The following SORCS1 variants were observed in gnomAD, a reference collection of about 807,000 sequenced individuals.
The protein encoded by SORCS1 is VPS10 domain-containing receptor SorCS1.
In SORCS1, 60 loss-of-function variants were observed where a neutral mutation model predicts 146.1. The observed-to-expected ratio is 0.41, with a 90% CI of 0.33 to 0.51. The LOEUF (loss-of-function observed/expected upper bound fraction) is 0.51, where lower values mean the gene tolerates loss of function less well. Ranked by LOEUF, SORCS1 falls within the 20% of genes least tolerant of loss-of-function variation. SORCS1 has a pLI of 0.21. For missense variants in SORCS1, 1,352 were observed against 1,487.6 expected, an observed-to-expected ratio of 0.91 and a Z score of 1.50; for synonymous variants, 637 against 584.0, an observed-to-expected ratio of 1.09 and a Z score of -1.31.
intron 2 of SORCS1, among the ~76,000 whole-genome samples, chr10:106,868,584 T>C (rs998050161): frequency 1.3e-5 from 2 of 152,190 alleles, no homozygotes; most frequent in Non-Finnish European, 2.9e-5. Context: ...AACATGCTCC[T>C]GAATCACTTT....
At chr10:106,691,591 G>C (rs1853301810) in intron 9 of SORCS1, among the ~76,000 whole-genome samples, 1 of 152,070 alleles carries the variant, frequency 6.6e-6, no homozygotes, top group South Asian at 2.1e-4. Context: ...TGTTGCCAAC[G>C]TGATGGTCTC....
intron 3 of SORCS1, among the ~76,000 whole-genome samples, chr10:106,784,843 C>T (rs822008): frequency 0.98 from 149,876 of 152,334 alleles, 73,739 homozygotes; most frequent in East Asian, 1. Context: ...ATCAGTCTAT[C>T]TTAACATTGA....
intron 18 of SORCS1, among the ~76,000 whole-genome samples, chr10:106,651,352 T>G (rs1034194550): frequency 7.2e-5 from 11 of 152,190 alleles, no homozygotes; most frequent in African/African-American, 2.7e-4. Context: ...CACTGTTTTG[T>G]TTTTCTTGAA....
intron 1 of SORCS1, among the ~76,000 whole-genome samples, chr10:106,961,289 T>C (rs1955211120): frequency 6.6e-6 from 1 of 152,226 alleles, no homozygotes; most frequent in Non-Finnish European, 1.5e-5. Context: ...TGTAACACCT[T>C]TGACTATGAC....
chr10:107,079,731 T>C (rs527452016), intron 1 of SORCS1, among the ~76,000 whole-genome samples: 1 of 152,242 alleles, frequency 6.6e-6, no homozygotes, highest in Admixed American at 6.5e-5. Context: ...TCAATCTGAC[T>C]AGAACCCTAG....
At position 106,913,127 on chromosome 10, in the gene SORCS1, A is replaced by G. The variant is rs189563460; in HGVS notation, c.626+43386T>C. On this transcript the variant is annotated intron_variant, in intron 2 of 25. Transcript: ENST00000263054. ...TTGCTAAAGTGTCTTTTCTTTGACC[A>G]GGTGTCATTTCCTAAACAAACTCCT... Among the ~76,000 whole-genome samples, 220 of 151,670 alleles carry G rather than the reference A, an allele frequency of 1.5e-3. 1 individual carries two copies. Among genetic ancestry groups the G allele is most frequent in the African/African-American group, 4.5e-3 (188 of 41,460 alleles).
intron 2 of SORCS1, among the ~76,000 whole-genome samples, chr10:106,904,473 GA>G (rs1035503059): frequency 1.3e-5 from 2 of 152,110 alleles, no homozygotes; most frequent in Non-Finnish European, 2.9e-5. Flanking sequence ...TACTGATGGG[GA>G]AAAAAATCAC....
chr10:106,692,878 AAT>A (rs1853403065), intron 9 of SORCS1, among the ~76,000 whole-genome samples: 1 of 152,044 alleles, frequency 6.6e-6, no homozygotes, highest in African/African-American at 2.4e-5. Flanking sequence ...CAAGTATACT[AAT>A]ATGTTATTTA....
intron 8 of SORCS1, among the ~76,000 whole-genome samples, chr10:106,706,318 AG>A (rs1194156688): frequency 6.6e-6 from 1 of 151,878 alleles, no homozygotes; most frequent in Non-Finnish European, 1.5e-5. Flanking sequence ...AAGGAAAGAA[AG>A]AAAGGAAGAG....
intron 23 of SORCS1, among the ~76,000 whole-genome samples, chr10:106,597,820 A>G (rs142676393): frequency 6.6e-5 from 10 of 152,340 alleles, no homozygotes; most frequent in African/African-American, 1.7e-4. Flanking sequence ...AGATTAATAT[A>G]TATTCATTTT....
At chr10:106,791,209 T>A (rs1248468110) in intron 3 of SORCS1, among the ~76,000 whole-genome samples, 1 of 152,214 alleles carries the variant, frequency 6.6e-6, no homozygotes, top group African/African-American at 2.4e-5. Flanking sequence ...TTTCTATGGT[T>A]TTCAATATTC....
chr10:107,068,739 G>A (rs953677832), intron 1 of SORCS1, among the ~76,000 whole-genome samples: 3 of 152,074 alleles, frequency 2.0e-5, no homozygotes, highest in African/African-American at 7.2e-5. Context: ...GCGTGGTGGT[G>A]GGGGCCTGTA....
At chr10:106,919,773 G>A (rs1165133470) in intron 2 of SORCS1, among the ~76,000 whole-genome samples, 1 of 152,192 alleles carries the variant, frequency 6.6e-6, no homozygotes, top group Non-Finnish European at 1.5e-5. Context: ...AACAGAATAT[G>A]AGTGGAGTGA....
chr10:106,643,679 T>G (rs948862728), intron 18 of SORCS1, among the ~76,000 whole-genome samples: 1 of 152,250 alleles, frequency 6.6e-6, no homozygotes, highest in Non-Finnish European at 1.5e-5. Context: ...TTCCTTCTTG[T>G]GCCCAGAAGG....
intron 1 of SORCS1, among the ~76,000 whole-genome samples, chr10:107,138,632 T>C (rs1168890246): frequency 6.6e-6 from 1 of 152,234 alleles, no homozygotes; most frequent in Non-Finnish European, 1.5e-5. Flanking sequence ...AATATCTTCT[T>C]TCAGGCTTAG....
Position 106,773,528 on chromosome 10 carries a change from T to C in SORCS1, c.885+3006A>G, listed in dbSNP as rs1186111275. On this transcript the variant is annotated intron_variant, in intron 4 of 25. Transcript: ENST00000263054. ...GGAGGTCTTCTCTGATTCCTACTTGTAGAGCTGGCTATCCATGATGTGTTT... is the reference window on the plus strand; with the variant it reads ...GGAGGTCTTCTCTGATTCCTACTTGCAGAGCTGGCTATCCATGATGTGTTT... Among the ~76,000 whole-genome samples the C allele has an allele frequency of 3.3e-5, 5 of 152,240 alleles. No individual in the cohort carries two copies. In the East Asian group the frequency reaches 7.7e-4, roughly 23 times the overall value.
chr10:106,810,943 CTT>C (rs879573301), intron 3 of SORCS1, among the ~76,000 whole-genome samples: 43 of 141,302 alleles, frequency 3.0e-4, no homozygotes, highest in South Asian at 2.3e-4. Flanking sequence ...GGTATAATTT[CTT>C]TTTTTTTTTT....
chr10:106,707,232 A>G (rs1036810404), intron 7 of SORCS1, among the ~76,000 whole-genome samples: 1 of 150,422 alleles, frequency 6.6e-6, no homozygotes, highest in African/African-American at 2.5e-5. Flanking sequence ...GCTGTTACCC[A>G]GGCTGGAGTA....
intron 1 of SORCS1, among the ~76,000 whole-genome samples, chr10:107,110,723 C>T (rs958726455): frequency 2.6e-5 from 4 of 151,656 alleles, no homozygotes; most frequent in East Asian, 1.9e-4. Flanking sequence ...GGTTTTAGTC[C>T]CTTTAAGCCA....
Sources: allele counts gnomAD v4.1 joint callset (sites outside exome capture counted in the v4.1 genomes callset), GRCh38; gene constraint gnomAD v4.1.1; transcripts MANE v1.5; gene names NCBI Gene and HGNC (gene_info 2026-07-23, HGNC 2026-07-21).